Variants in MEI4 observed in about 807,000 individuals in gnomAD.
MEI4 encodes the protein meiotic double-stranded break formation protein 4.
In MEI4, 27 loss-of-function variants were observed where a neutral mutation model predicts 31.4. The ratio of observed to expected loss-of-function variants is 0.86; its 90% CI spans 0.63 to 1.19. The LOEUF is 1.19. Ranked by LOEUF, MEI4 falls within the 50% of genes most tolerant of loss-of-function variation. The pLI, the probability that MEI4 is intolerant of heterozygous loss-of-function variation, is 0.00. For missense variants in MEI4, 329 were observed against 398.9 expected, an observed-to-expected ratio of 0.82 and a Z score of 1.49; for synonymous variants, 122 against 145.4, an observed-to-expected ratio of 0.84 and a Z score of 1.16.
At chr6:77,857,951 A>T (rs1770782048) in intron 4 of MEI4, among the ~76,000 whole-genome samples, 1 of 152,220 alleles carries the variant, frequency 6.6e-6, no homozygotes, top group South Asian at 2.1e-4. Flanking sequence ...TACATAAGAA[A>T]CATCAGCTTT....
intron 2 of MEI4, among the ~76,000 whole-genome samples, chr6:77,746,219 C>T (rs1216563338): frequency 1.1e-4 from 17 of 152,096 alleles, no homozygotes; most frequent in Admixed American, 3.9e-4. Flanking sequence ...ATTGATAGAC[C>T]GCTAGCAAGA....
In MEI4 at chr6:77,754,753, G is replaced by T. The variant is rs541903461; in HGVS notation, c.233-6377G>T. ...GTGGCCTCAGGGAACCCACAATCAT[G>T]GTGGAAGGGAAAGCAGGCACTTCTT... On this transcript the variant is annotated intron_variant, in intron 2 of 4. Coordinates refer to ENST00000684080, the MANE Select transcript of MEI4 (RefSeq NM_001322247.2). 7.2e-5 allele frequency among the ~76,000 whole-genome samples: 11 copies of T among 152,232 alleles called. No individual in the cohort carries two copies. In the East Asian group the frequency reaches 1.9e-3, roughly 27 times the overall value.
intron 2 of MEI4, among the ~76,000 whole-genome samples, chr6:77,696,478 T>G (rs1766048416): frequency 6.6e-6 from 1 of 151,956 alleles, no homozygotes; most frequent in African/African-American, 2.4e-5. Context: ...GCATGAAGGG[T>G]TGTTGAATTT....
intron 2 of MEI4, among the ~76,000 whole-genome samples, chr6:77,692,296 A>T (rs2127652676): frequency 6.6e-6 from 1 of 152,010 alleles, no homozygotes; most frequent in East Asian, 1.9e-4. Flanking sequence ...CCTCCTGTGT[A>T]GTATTTACTT....
At chr6:77,749,316 C>T (rs1319246873) in intron 2 of MEI4, among the ~76,000 whole-genome samples, 1 of 151,864 alleles carries the variant, frequency 6.6e-6, no homozygotes, top group East Asian at 1.9e-4. Context: ...GTAATAAACT[C>T]CTCCAAGCTA....
intron 3 of MEI4, among the ~76,000 whole-genome samples, chr6:77,780,905 T>C (rs914454016): frequency 1.3e-4 from 20 of 152,120 alleles, no homozygotes; most frequent in Non-Finnish European, 2.5e-4. Context: ...TATTTATATA[T>C]AGAATTTACT....
chr6:77,784,770 C>T (rs931607818), intron 3 of MEI4, among the ~76,000 whole-genome samples: 3 of 151,996 alleles, frequency 2.0e-5, no homozygotes, highest in South Asian at 2.1e-4. Flanking sequence ...TTTAGAATAC[C>T]ATATTTGATG....
chr6:77,653,533 A>G (rs1317876314), intron 1 of MEI4, among the ~76,000 whole-genome samples: 1 of 152,178 alleles, frequency 6.6e-6, no homozygotes, highest in Non-Finnish European at 1.5e-5. Flanking sequence ...ATGATTTTGC[A>G]TTTATATAGC....
chr6:77,691,012 A>T, intron 2 of MEI4, 109 bp downstream of exon 2: 1 of 494,328 alleles, frequency 2.0e-6, no homozygotes, highest in Non-Finnish European at 3.2e-6. Context: ...GTTTCCATGA[A>T]AGCTCGACAT....
intron 2 of MEI4, among the ~76,000 whole-genome samples, chr6:77,736,130 G>A (rs1163900983): frequency 1.3e-5 from 2 of 152,116 alleles, no homozygotes; most frequent in Non-Finnish European, 2.9e-5. Context: ...ACAGAGGCAG[G>A]CAGGCCTCCT....
chr6:77,870,450 A>G (rs983220658), intron 4 of MEI4, among the ~76,000 whole-genome samples: 5 of 152,248 alleles, frequency 3.3e-5, no homozygotes, highest in Admixed American at 6.5e-5. Flanking sequence ...GAACAAAAGT[A>G]TCATCACTTA....
intron 2 of MEI4, among the ~76,000 whole-genome samples, chr6:77,733,070 A>C (rs1245304226): frequency 5.9e-5 from 9 of 151,828 alleles, no homozygotes; most frequent in Admixed American, 5.2e-4. Context: ...TTCATCAAGG[A>C]TATTGATCTA....
At chr6:77,713,810 C>G (rs116200629) in intron 2 of MEI4, among the ~76,000 whole-genome samples, 47 of 152,240 alleles carry the variant, frequency 3.1e-4, no homozygotes, top group African/African-American at 1.1e-3. Flanking sequence ...CCACAATGAG[C>G]TTTGTGATTT....
intron 1 of MEI4, among the ~76,000 whole-genome samples, chr6:77,677,783 G>T (rs1190205035): frequency 6.6e-6 from 1 of 152,050 alleles, no homozygotes; most frequent in Non-Finnish European, 1.5e-5. Context: ...CTTTCATCCA[G>T]CGAAATACAT....
At chr6:77,747,069 T>C (rs910306418) in intron 2 of MEI4, among the ~76,000 whole-genome samples, 1 of 152,152 alleles carries the variant, frequency 6.6e-6, no homozygotes, top group Non-Finnish European at 1.5e-5. Context: ...CCCAGTACTT[T>C]GGGAGGCTGA....
chr6:77,729,841 C>CA (rs533567729), intron 2 of MEI4, among the ~76,000 whole-genome samples: 1 of 152,172 alleles, frequency 6.6e-6, no homozygotes, highest in Non-Finnish European at 1.5e-5. Context: ...GGAAACAATG[C>CA]ATTGGGTAAA....
chr6:77,906,962 G>C (rs1275008390), intron 4 of MEI4, among the ~76,000 whole-genome samples: 1 of 151,994 alleles, frequency 6.6e-6, no homozygotes, highest in African/African-American at 2.4e-5. Context: ...CTGTATGACT[G>C]TGCACTACAG....
Position 77,802,958 on chromosome 6 carries a change from G to C in MEI4, c.769-25973G>C, listed in dbSNP as rs560636908. On this transcript the variant is annotated intron_variant, in intron 3 of 4. Transcript: ENST00000684080. ...TCTTACAATTATGTGTCTTGGAGTT[G>C]CTCTTCTCGAGGAGTATCTTTGTGG... Among the ~76,000 whole-genome samples, 11 of 152,216 alleles carry C rather than the reference G, an allele frequency of 7.2e-5. 1 individual carries two copies. In the South Asian group the frequency reaches 2.1e-3, roughly 29 times the overall value.
intron 4 of MEI4, among the ~76,000 whole-genome samples, chr6:77,892,354 G>T (rs571158356): frequency 1.3e-5 from 2 of 152,222 alleles, no homozygotes; most frequent in African/African-American, 2.4e-5. Context: ...ATGCATAGGT[G>T]TCACTGCAAG....
Sources: gnomAD v4.1 joint callset for allele counts (sites outside exome capture counted in the v4.1 genomes callset) on GRCh38, gnomAD v4.1.1 for gene constraint, MANE v1.5 for transcripts, NCBI Gene and HGNC (gene_info 2026-07-23, HGNC 2026-07-21) for gene names.